DAB2: variants seen among roughly 807,000 people sequenced by gnomAD.
The protein encoded by DAB2 is disabled homolog 2.
DAB2 carries 28 observed loss-of-function variants against 71.6 expected under a neutral mutation model. The observed-to-expected ratio is 0.39, with a 90% CI of 0.29 to 0.54. DAB2 has a LOEUF of 0.54. Ranked by LOEUF, DAB2 falls within the 20% of genes least tolerant of loss-of-function variation. The probability of loss-of-function intolerance (pLI) is 0.68; values close to 1 mark genes in which losing one functional copy is unlikely to be tolerated. For missense variants in DAB2, 867 were observed against 928.8 expected (o/e 0.93, Z 0.86); for synonymous variants, 345 against 339.7 (o/e 1.02, Z -0.17).
Position 39,416,059 on chromosome 5 carries a change from AT to A in DAB2, c.-102+8744del, listed in dbSNP as rs991319319. On this transcript the variant is annotated intron_variant, in intron 1 of 14. Transcript: ENST00000320816. ...CACACCTCTCCTCCCTCCCCATCAT[AT>A]TTTTTTTTTTACTTAGTTCCAGCAT... is the stretch of plus-strand genomic sequence containing the variant. Among the ~76,000 whole-genome samples, 131 of 145,512 alleles carry A rather than the reference AT, an allele frequency of 9.0e-4. No individual in the cohort carries two copies. The East Asian group carries it at 9.2e-3, about 10-fold the overall frequency.
intron 9 of DAB2, among the ~76,000 whole-genome samples, chr5:39,386,985 G>C (rs1755111219): frequency 6.6e-6 from 1 of 152,088 alleles, no homozygotes; most frequent in Non-Finnish European, 1.5e-5. Context: ...AGAATGAAAG[G>C]TTCTATAGGC....
At chr5:39,407,588 C>T (rs1366570785) in intron 1 of DAB2, among the ~76,000 whole-genome samples, 2 of 152,198 alleles carry the variant, frequency 1.3e-5, no homozygotes, top group Admixed American at 6.5e-5. Flanking sequence ...ATTCTCATCC[C>T]CGTATGAAAT....
chr5:39,374,926 A>G, intron 14 of DAB2, 88 bp downstream of exon 14: 1 of 851,818 alleles, frequency 1.2e-6, no homozygotes, highest in South Asian at 1.4e-5. Flanking sequence ...CCTCTTCCCA[A>G]TTCTAAAATT....
chr5:39,404,877 C>T (rs565735762), intron 1 of DAB2, among the ~76,000 whole-genome samples: 4 of 152,344 alleles, frequency 2.6e-5, no homozygotes, highest in African/African-American at 7.2e-5. Flanking sequence ...CTGCACTTGG[C>T]CTTTAGACGG....
rs1755020237 is a variant in DAB2, at chr5:39,383,115, C to A, written c.844G>T (p.Ala282Ser). 1.9e-6 allele frequency: 3 copies of A among 1,613,918 alleles called. No individual in the cohort carries two copies. The African/African-American group carries it at 4.0e-5, about 22-fold the overall frequency. ...GGGGTGGGAAAGAAGTTGAGATTGGCAGAAAAGGCATTTTCAGGCAAGAAG... is the reference window on the plus strand; with the variant it reads ...GGGGTGGGAAAGAAGTTGAGATTGGAAGAAAAGGCATTTTCAGGCAAGAAG... ...ASFLPENAFS[A>S]NLNFFPTPNP... The change falls in exon 10 of 15, where the codon GCC (alanine) becomes TCC (serine). Residue 282 changes from alanine to serine, a missense_variant. By Grantham distance (99) the Ala-to-Ser change is moderately conservative. Around this residue, in one of 2 missense-constraint regions of DAB2, gnomAD observed 740 missense variants for 734.3 expected, o/e 1.01. Transcript: ENST00000320816.
intron 9 of DAB2, among the ~76,000 whole-genome samples, chr5:39,384,311 T>A (rs544543771): frequency 4.6e-5 from 7 of 152,368 alleles, no homozygotes; most frequent in African/African-American, 1.7e-4. Context: ...AAGTTTAATT[T>A]ATCAATTAGG....
chr5:39,383,310 C>A, intron 9 of DAB2, 39 bp from the exon 10 acceptor site: 1 of 1,468,806 alleles, frequency 6.8e-7, no homozygotes, highest in South Asian at 1.3e-5. Context: ...AAGTGTTAGT[C>A]CATGTTGTGA....
Position 39,388,322 on chromosome 5 carries a change from C to T in DAB2, c.670G>A (p.Asp224Asn), listed in dbSNP as rs752203754. The T allele has an allele frequency of 6.2e-7, 1 of 1,612,132 alleles. No homozygotes were observed. Among genetic ancestry groups the T allele is most frequent in the Non-Finnish European group, 8.5e-7 (1 of 1,178,778 alleles). The change falls in exon 9 of 15, where the codon GAC becomes AAC. Residue 224 changes from aspartate (D) to asparagine (N), a missense_variant. Transcript: ENST00000320816. ...DLFGDMSTPP[D>N]LNSPTESKDI... The stretch of plus-strand genomic sequence containing the variant: ...ACACTTACTGTTGGACTATTTAGGT[C>T]AGGAGGTGTAGACATGTCCCCAAAC...
intron 6 of DAB2, 148 bp from the exon 7 acceptor site, chr5:39,389,271 T>C (rs569255330): frequency 3.4e-6 from 2 of 583,614 alleles, no homozygotes; most frequent in Non-Finnish European, 3.0e-6. Flanking sequence ...CCCCTTTTCA[T>C]ATCAATATAA....
At chr5:39,394,870 C>G (rs531002442) in intron 1 of DAB2, among the ~76,000 whole-genome samples, 2 of 152,226 alleles carry the variant, frequency 1.3e-5, no homozygotes, top group African/African-American at 4.8e-5. Context: ...AAGGCAGTGA[C>G]TAGAGTAGAG....
chr5:39,398,680 T>G (rs1755433412), intron 1 of DAB2, among the ~76,000 whole-genome samples: 1 of 152,060 alleles, frequency 6.6e-6, no homozygotes, highest in Non-Finnish European at 1.5e-5. Flanking sequence ...TACAAACCCC[T>G]TTACAAAAAA....
Position 39,409,549 on chromosome 5 carries a change from T to A in DAB2, c.-101-15128A>T, listed in dbSNP as rs555162726. Among the ~76,000 whole-genome samples the A allele has an allele frequency of 3.3e-5, 5 of 152,320 alleles. No homozygotes were observed. In the South Asian group the frequency reaches 6.2e-4, roughly 19 times the overall value. On this transcript the variant is annotated intron_variant, in intron 1 of 14. Coordinates refer to ENST00000320816, the MANE Select transcript of DAB2 (RefSeq NM_001343.4). ...AGTCTGTAAGTGAGACAGGTTTTGT[T>A]TCATGAATTCTTTATATAAATCCAA...
chr5:39,393,136 A>C (rs1334210269), intron 3 of DAB2, 118 bp downstream of exon 3: 1 of 1,013,552 alleles, frequency 9.9e-7, no homozygotes, highest in African/African-American at 1.6e-5. Context: ...ACTGATGGAT[A>C]ATGTGATTAA....
At chr5:39,405,532 G>A (rs1266307438) in intron 1 of DAB2, among the ~76,000 whole-genome samples, 1 of 152,222 alleles carries the variant, frequency 6.6e-6, no homozygotes, top group African/African-American at 2.4e-5. Flanking sequence ...TTACATCAGG[G>A]ACCATTTGGT....
At position 39,382,763 on chromosome 5, in the gene DAB2, A is replaced by G; in HGVS notation, c.1196T>C (p.Val399Ala). 1 of 1,614,152 alleles carries G rather than the reference A, an allele frequency of 6.2e-7. No homozygotes were observed. Among genetic ancestry groups the G allele is most frequent in the Non-Finnish European group, 8.5e-7 (1 of 1,180,014 alleles). Residue 399 changes from valine to alanine, a missense_variant, in exon 10 of 15, where the codon GTG becomes GCG. Around this residue, in one of 2 missense-constraint regions of DAB2, gnomAD observed 740 missense variants for 734.3 expected, o/e 1.01. Coordinates refer to ENST00000320816, the MANE Select transcript of DAB2 (RefSeq NM_001343.4). ...FSVKSSPNPFVGSPPKGLSIQ... is the reference protein window; with the variant it reads ...FSVKSSPNPFAGSPPKGLSIQ... ...GGACAGTCCTTTGGGAGGGCTTCCC[A>G]CAAAAGGGTTCGGGGAGGATTTGAC...
At chr5:39,396,637 C>T (rs1408945477) in intron 1 of DAB2, among the ~76,000 whole-genome samples, 1 of 152,208 alleles carries the variant, frequency 6.6e-6, no homozygotes, top group African/African-American at 2.4e-5. Context: ...ACAATTTTGT[C>T]TTTAGGCAGT....
chr5:39,424,651 G>C (rs975159626), intron 1 of DAB2, among the ~76,000 whole-genome samples, 153 bp downstream of exon 1: 13 of 150,492 alleles, frequency 8.6e-5, no homozygotes, highest in Non-Finnish European at 3.0e-5. Context: ...CCCAAGCACA[G>C]GGTCTCATTT....
chr5:39,396,851 G>A (rs1755379562), intron 1 of DAB2, among the ~76,000 whole-genome samples: 1 of 152,232 alleles, frequency 6.6e-6, no homozygotes, highest in Admixed American at 6.5e-5. Flanking sequence ...CAGAGGAAAA[G>A]TTGAAAGGTG....
chr5:39,417,351 C>T (rs531815695), intron 1 of DAB2: 1 of 151,954 alleles, frequency 6.6e-6, no homozygotes, highest in African/African-American at 2.4e-5. Flanking sequence ...CAGTATAATT[C>T]ATCCCTACTT....
Sources: gnomAD v4.1 joint callset for allele counts (sites outside exome capture counted in the v4.1 genomes callset) on GRCh38, gnomAD v4.1.1 for gene constraint, gnomAD v4.1.1 regional missense constraint, MANE v1.5 for transcripts, NCBI Gene and HGNC (gene_info 2026-07-23, HGNC 2026-07-21) for gene names.